Variants in EBF1 observed in about 807,000 individuals in gnomAD.
The protein encoded by EBF1 is transcription factor COE1.
Under a neutral mutation model 68.4 loss-of-function variants are expected in EBF1, and 10 were observed. The ratio of observed to expected loss-of-function variants is 0.15; its 90% CI spans 0.09 to 0.25. The LOEUF is 0.25. EBF1 is among the 10% of genes least tolerant of loss of function. The probability of loss-of-function intolerance (pLI) is 1.00; values close to 1 mark genes in which losing one functional copy is unlikely to be tolerated. For synonymous variants in EBF1, 298 were observed against 299.8 expected (o/e 0.99, Z 0.06); for missense variants, 509 against 794.4 (o/e 0.64, Z 4.32).
chr5:158,960,600 G>T (rs11748602), intron 6 of EBF1, among the ~76,000 whole-genome samples: 56,894 of 152,116 alleles, frequency 0.37, 10,922 homozygotes, highest in South Asian at 0.6. Flanking sequence ...TTCTCTAATG[G>T]TTTTTAAATA....
chr5:158,889,208 C>T (rs763664913), intron 6 of EBF1, among the ~76,000 whole-genome samples: 1 of 152,138 alleles, frequency 6.6e-6, no homozygotes, highest in Non-Finnish European at 1.5e-5. Context: ...GGTAAGCATT[C>T]AACAAGTACT....
chr5:158,698,663 C>CTT lies in EBF1; in HGVS notation c.*446_*447dup, dbSNP rs1357650531. On this transcript the variant is annotated 3_prime_UTR_variant, in exon 16 of 16. Coordinates refer to ENST00000313708, the MANE Select transcript of EBF1 (RefSeq NM_024007.5). Reference sequence around the variant, plus strand: ...AAGCTTTTTTTTTTTTCCTTTTTTTCTTTTTTTTTTTTTTTACTTTTTTGT... The same window carrying CTT: ...AAGCTTTTTTTTTTTTCCTTTTTTTCTTTTTTTTTTTTTTTTTACTTTTTTGT... 7.0e-4 allele frequency: 109 copies of CTT among 156,256 alleles called. No individual in the cohort carries two copies. The highest frequency in any genetic ancestry group is 1.5e-3 in the Admixed American group (20 of 13,142). 9.7% of individuals were successfully genotyped at this position (156,256 alleles called of 1,614,324 possible). A position where few individuals can be genotyped will look rare whatever the true frequency, so the allele number is the denominator to read the frequency against.
chr5:158,885,724 G>A (rs1475943050), intron 6 of EBF1, among the ~76,000 whole-genome samples: 1 of 152,062 alleles, frequency 6.6e-6, no homozygotes, highest in Non-Finnish European at 1.5e-5. Context: ...ACAATGTCTG[G>A]GCAAGTCATT....
At chr5:158,891,901 A>G (rs967658715) in intron 6 of EBF1, among the ~76,000 whole-genome samples, 2 of 152,100 alleles carry the variant, frequency 1.3e-5, no homozygotes, top group African/African-American at 4.8e-5. Context: ...TTATTTTTAA[A>G]AAATATTTAT....
chr5:158,987,647 T>C (rs569679165), intron 6 of EBF1, among the ~76,000 whole-genome samples: 1 of 152,146 alleles, frequency 6.6e-6, no homozygotes, highest in Non-Finnish European at 1.5e-5. Context: ...AAGTGGGGGA[T>C]AGGGAAGACC....
At chr5:158,745,200 G>C (rs140726970) in intron 10 of EBF1, among the ~76,000 whole-genome samples, 6 of 152,210 alleles carry the variant, frequency 3.9e-5, no homozygotes, top group Middle Eastern at 3.4e-3. Flanking sequence ...ATGGGTATGT[G>C]GCCACTTCCG....
intron 6 of EBF1, among the ~76,000 whole-genome samples, chr5:158,874,941 C>A (rs971139108): frequency 3.3e-5 from 5 of 151,900 alleles, no homozygotes; most frequent in Non-Finnish European, 5.9e-5. Flanking sequence ...TAATTCAAGG[C>A]CTGAGATGGC....
At chr5:158,946,732 C>T (rs1583385550) in intron 6 of EBF1, among the ~76,000 whole-genome samples, 1 of 152,244 alleles carries the variant, frequency 6.6e-6, no homozygotes, top group African/African-American at 2.4e-5. Context: ...AGATCTGCTG[C>T]TCTCTTCAGA....
chr5:159,059,147 A>C (rs1459542188), intron 6 of EBF1, among the ~76,000 whole-genome samples: 2 of 152,220 alleles, frequency 1.3e-5, no homozygotes, highest in African/African-American at 2.4e-5. Context: ...AAAGCTGACA[A>C]ATTTCCAGGC....
intron 6 of EBF1, chr5:158,985,844 T>A (rs1758909228): frequency 6.6e-6 from 1 of 152,306 alleles, no homozygotes; most frequent in Admixed American, 6.5e-5. Flanking sequence ...TCAGTGTGTG[T>A]GAGAAGGGCA....
intron 1 of EBF1, among the ~76,000 whole-genome samples, chr5:159,098,179 C>T (rs1782997886): frequency 3.3e-5 from 5 of 152,230 alleles, no homozygotes; most frequent in Admixed American, 3.3e-4. Context: ...TCCCACTGTC[C>T]CAAGCTCAGC....
intron 6 of EBF1, among the ~76,000 whole-genome samples, chr5:159,043,847 T>C (rs1771761405): frequency 6.6e-6 from 1 of 152,142 alleles, no homozygotes; most frequent in African/African-American, 2.4e-5. Flanking sequence ...AAGACACTAC[T>C]CCAGAAAAAG....
chr5:158,786,593 C>CCTG (rs1777492042), intron 9 of EBF1, among the ~76,000 whole-genome samples: 2 of 152,040 alleles, frequency 1.3e-5, no homozygotes. Context: ...AACGCCAGCC[C>CCTG]CTGTGGTTTG....
intron 6 of EBF1, among the ~76,000 whole-genome samples, chr5:159,039,395 T>C (rs1770742319): frequency 6.6e-6 from 1 of 152,266 alleles, no homozygotes; most frequent in Admixed American, 6.5e-5. Context: ...TTTCACAGCA[T>C]GTCAGGTTGT....
chr5:158,745,578 G>A (rs1192835666), intron 10 of EBF1, among the ~76,000 whole-genome samples: 1 of 152,174 alleles, frequency 6.6e-6, no homozygotes, highest in Non-Finnish European at 1.5e-5. Flanking sequence ...GTTCTCAAGA[G>A]CTGAAGAGAC....
At chr5:158,838,679 T>A (rs1176820167) in intron 7 of EBF1, among the ~76,000 whole-genome samples, 1 of 152,202 alleles carries the variant, frequency 6.6e-6, no homozygotes, top group Non-Finnish European at 1.5e-5. Flanking sequence ...CTCAAGATCA[T>A]CTTTCCTTTT....
At chr5:158,889,997 T>G (rs940880269) in intron 6 of EBF1, among the ~76,000 whole-genome samples, 2 of 152,186 alleles carry the variant, frequency 1.3e-5, no homozygotes, top group East Asian at 3.8e-4. Flanking sequence ...ATGCAAATAT[T>G]ATGACATTTT....
At chr5:159,094,840 A>C (rs957362062) in intron 4 of EBF1, among the ~76,000 whole-genome samples, 1 of 152,182 alleles carries the variant, frequency 6.6e-6, no homozygotes, top group African/African-American at 2.4e-5. Context: ...TCTTAAAATT[A>C]AGAAGAAGGG....
intron 6 of EBF1, among the ~76,000 whole-genome samples, chr5:158,874,265 T>C (rs987697094): frequency 2.6e-5 from 4 of 152,190 alleles, no homozygotes; most frequent in African/African-American, 7.2e-5. Context: ...CTTTTGCAAC[T>C]AAATAACACC....
Sources: allele counts gnomAD v4.1 joint callset (sites outside exome capture counted in the v4.1 genomes callset), GRCh38; gene constraint gnomAD v4.1.1; transcripts MANE v1.5; gene names NCBI Gene and HGNC (gene_info 2026-07-23, HGNC 2026-07-21).